RASSF7: variants seen among roughly 807,000 people sequenced by gnomAD.
The protein encoded by RASSF7 is Ras association domain family member 7.
RASSF7 carries 41 observed loss-of-function variants against 33.8 expected under a neutral mutation model. That is an observed-to-expected ratio of 1.21 (90% confidence interval 0.95 to 1.57). The LOEUF (loss-of-function observed/expected upper bound fraction) is 1.57, where lower values mean the gene tolerates loss of function less well. Among genes scored for constraint, RASSF7 ranks in the 40% most tolerant of loss-of-function variants. The pLI, the probability that RASSF7 is intolerant of heterozygous loss-of-function variation, is 0.00. For synonymous variants in RASSF7, 298 were observed against 212.8 expected, an observed-to-expected ratio of 1.40 and a Z score of -3.48; for missense variants, 622 against 497.0, an observed-to-expected ratio of 1.25 and a Z score of -2.39.
In RASSF7 at chr11:562,237, C is replaced by T. The variant is rs1372497561; in HGVS notation, c.283C>T (p.Pro95Ser). The change falls in exon 3 of 6, where the codon CCC (proline) becomes TCC (serine). Residue 95 changes from proline to serine, a missense_variant. Coordinates refer to ENST00000397583, the MANE Select transcript of RASSF7 (RefSeq NM_003475.4). ...CACAGGGCCCAGCCTAGCTGGGAGGCCCTCCTCAGACAGCTGTCCACCCCC... is the reference window on the plus strand; with the variant it reads ...CACAGGGCCCAGCCTAGCTGGGAGGTCCTCCTCAGACAGCTGTCCACCCCC... ...RRTGPSLAGRPSSDSCPPPER... is the reference protein window; with the variant it reads ...RRTGPSLAGRSSSDSCPPPER... The T allele has an allele frequency of 8.7e-6, 14 of 1,612,240 alleles. No individual in the cohort carries two copies. Among genetic ancestry groups the T allele is most frequent in the South Asian group, 2.2e-5 (2 of 90,970 alleles).
At chr11:561,917 G>T (rs1241854643) in intron 2 of RASSF7, 25 bp downstream of exon 2, 2 of 1,612,508 alleles carry the variant, frequency 1.2e-6, no homozygotes, top group Admixed American at 1.7e-5. Context: ...GGTCAGGCAG[G>T]CCGGGCAGGT....
In RASSF7 at chr11:562,467, T is replaced by C. The variant is rs978303517; in HGVS notation, c.513T>C (p.His171=). ...RVQRNAEELG[H]EAFWEQELRR... is the part of the protein sequence containing the mutation. ...AGAGGAATGCTGAGGAGCTGGGCCA[T>C]GAGGCCTTCTGGGAGCAAGAGCTGC... Residue 171 remains histidine, a synonymous_variant, in exon 3 of 6, where the codon CAT becomes CAC. Coordinates refer to ENST00000397583, the MANE Select transcript of RASSF7 (RefSeq NM_003475.4). 6.4e-7 allele frequency: 1 copy of C among 1,550,476 alleles called. No homozygotes were observed. Among genetic ancestry groups the C allele is most frequent in the South Asian group, 1.2e-5 (1 of 84,174 alleles).
Position 562,939 on chromosome 11 carries a change from C to G in RASSF7, c.822+163C>G, listed in dbSNP as rs1039882285. ...GATATGGGGGTCACAGGGTCTGACT[C>G]GGGAGGCAGGTGAGCCCGCGGACCT... On this transcript the variant is annotated intron_variant, in intron 3 of 5. Transcript: ENST00000397583. Among the ~76,000 whole-genome samples the G allele has an allele frequency of 9.4e-4, 139 of 147,600 alleles. 2 individuals carry two copies. The highest frequency in any genetic ancestry group is 1.9e-4 in the Non-Finnish European group (13 of 66,990).
chr11:561,340 C>A lies in RASSF7; in HGVS notation c.-145C>A. 9.9e-7 allele frequency: 1 copy of A among 1,010,892 alleles called. No homozygotes were observed. The highest frequency in any genetic ancestry group is 4.2e-5 in the South Asian group (1 of 23,888). 62.6% of individuals were successfully genotyped at this position (1,010,892 alleles called of 1,614,324 possible). Reference sequence around the variant, plus strand: ...CCGGAGTCTGCTCCATCTGCAGGGTCGAGGTCTGGGTTGCGACCCCGAGCG... The same window carrying A: ...CCGGAGTCTGCTCCATCTGCAGGGTAGAGGTCTGGGTTGCGACCCCGAGCG... On this transcript the variant is annotated 5_prime_UTR_variant, in exon 1 of 6. Coordinates refer to ENST00000397583, the MANE Select transcript of RASSF7 (RefSeq NM_003475.4).
chr11:561,588 C>T (rs1030059921), intron 1 of RASSF7, 111 bp downstream of exon 1: 16 of 1,386,392 alleles, frequency 1.2e-5, no homozygotes, highest in Non-Finnish European at 1.4e-5. Flanking sequence ...CTCCGGAGGG[C>T]CGCCACCCCA....
Position 563,265 on chromosome 11 carries a change from G to A in RASSF7, c.899G>A (p.Gly300Glu), listed in dbSNP as rs761825050. 14 of 1,611,522 alleles carry A rather than the reference G, an allele frequency of 8.7e-6. No individual in the cohort carries two copies. The highest frequency in any genetic ancestry group is 1.7e-6 in the Non-Finnish European group (2 of 1,179,258). ...CTGCAGCAGTTCATCCAGCAGACCG[G>A]GGCTGCGCTGCCACCGCCCCCACGG... is the stretch of plus-strand genomic sequence containing the variant. ...CNLQQFIQQT[G>E]AALPPPPRPD... The change falls in exon 4 of 6, where the codon GGG becomes GAG. Residue 300 changes from glycine to glutamate, a missense_variant. Physicochemically the swap from Gly to Glu is moderately conservative, Grantham distance 98 (BLOSUM62 -2). Transcript: ENST00000397583.
rs916931180 is a variant in RASSF7, at chr11:563,842, G to A, written c.*197G>A. On this transcript the variant is annotated 3_prime_UTR_variant, in exon 6 of 6. Transcript: ENST00000397583. ...ATGGGGCGTAGCCAGCTCGGAACTT[G>A]CCAGGCCCCAAAGGCCACGACTGCC... 1.7e-6 allele frequency: 1 copy of A among 604,448 alleles called. No individual in the cohort carries two copies. The highest frequency in any genetic ancestry group is 2.0e-5 in the South Asian group (1 of 49,546). The allele number at this position is 604,448 out of a possible 1,614,324, so 37.4% of individuals were successfully genotyped here.
Position 562,769 on chromosome 11 carries a change from C to T in RASSF7, c.815C>T (p.Ala272Val). Reference sequence around the variant, plus strand: ...CGGGCCCTGGAGGCAGCAGAGCGAGCCTTGCAGGTGAGCCCGGGGACCTGA... The same window carrying T: ...CGGGCCCTGGAGGCAGCAGAGCGAGTCTTGCAGGTGAGCCCGGGGACCTGA... ...VSRALEAAER[A>V]LQAQAQELEE... Residue 272 changes from alanine to valine, a missense_variant, in exon 3 of 6, where the codon GCC (alanine) becomes GTC (valine). Ala to Val is a moderately conservative substitution (Grantham distance 64, BLOSUM62 0). Transcript: ENST00000397583. 2.0e-6 allele frequency: 3 copies of T among 1,501,056 alleles called. No homozygotes were observed. The highest frequency in any genetic ancestry group is 2.5e-5 in the South Asian group (2 of 79,214). The allele number at this position is 1,501,056 out of a possible 1,614,324, so 93.0% of individuals were successfully genotyped here. A position where few individuals can be genotyped will look rare whatever the true frequency, so the allele number is the denominator to read the frequency against.
Position 562,330 on chromosome 11 carries a change from A to C in RASSF7, c.376A>C (p.Lys126Gln). The part of the protein sequence containing the change: ...PRAALGCEPR[K>Q]TLTPEPAPSL... ...GGCTGCGCTGGGCTGTGAGCCCCGCAAAACACTGACCCCCGAGCCAGCCCC... is the reference window on the plus strand; with the variant it reads ...GGCTGCGCTGGGCTGTGAGCCCCGCCAAACACTGACCCCCGAGCCAGCCCC... The change falls in exon 3 of 6, where the codon AAA becomes CAA. Residue 126 changes from lysine (K) to glutamine (Q), a missense_variant. Transcript: ENST00000397583. The C allele has an allele frequency of 6.2e-7, 1 of 1,609,678 alleles. No homozygotes were observed. The highest frequency in any genetic ancestry group is 1.7e-5 in the Admixed American group (1 of 59,700).
chr11:563,135 C>T (rs1853420744), intron 3 of RASSF7, 54 bp from the exon 4 acceptor site: 3 of 1,492,668 alleles, frequency 2.0e-6, no homozygotes, highest in East Asian at 2.3e-5. Context: ...CTCCGGAGCA[C>T]AAGGGCTGTG....
rs370836177 is a variant in RASSF7, at chr11:561,810, G to A, written c.42G>A (p.Val14=). 1.9e-6 allele frequency: 3 copies of A among 1,613,270 alleles called. No homozygotes were observed. The African/African-American group carries it at 4.0e-5, about 22-fold the overall frequency. ...GLAAMELKVW[V]DGIQRVVCGV... is the part of the protein sequence containing the mutation. ...CGGCCATGGAGCTGAAGGTGTGGGT[G>A]GATGGCATCCAGCGTGTGGTCTGTG... The change falls in exon 2 of 6, where the codon GTG becomes GTA. Residue 14 remains valine (V), a synonymous_variant. Coordinates refer to ENST00000397583, the MANE Select transcript of RASSF7 (RefSeq NM_003475.4).
In RASSF7 at chr11:563,801, A is replaced by G. The variant is rs1360126899; in HGVS notation, c.*156A>G. 2 of 695,484 alleles carry G rather than the reference A, an allele frequency of 2.9e-6. No homozygotes were observed. The highest frequency in any genetic ancestry group is 4.7e-6 in the Non-Finnish European group (2 of 424,000). The allele number at this position is 695,484 out of a possible 1,614,324, so 43.1% of individuals were successfully genotyped here. ...CTGCCCTAGTCCTTGCCAGGTCGCC[A>G]GCACCCTGGAGAAGCATGGGGCGTA... On this transcript the variant is annotated 3_prime_UTR_variant, in exon 6 of 6. Coordinates refer to ENST00000397583, the MANE Select transcript of RASSF7 (RefSeq NM_003475.4).
In RASSF7 at chr11:563,560, G is replaced by T; in HGVS notation, c.1037G>T (p.Gly346Val). 1 of 1,612,000 alleles carries T rather than the reference G, an allele frequency of 6.2e-7. No individual in the cohort carries two copies. ...HAGAQPRPRG[G>V]PHDAELLEVA... The stretch of plus-strand genomic sequence containing the variant: ...CCTCAGCCTGTGTCCTCCCGCAGTG[G>T]CCCCCATGACGCAGAACTCCTGGAG... The change falls in exon 6 of 6, where the codon GGC (glycine) becomes GTC (valine). Residue 346 changes from glycine to valine, a missense_variant and splice_region_variant. By Grantham distance (109) the Gly-to-Val change is moderately radical (BLOSUM62 -3). Coordinates refer to ENST00000397583, the MANE Select transcript of RASSF7 (RefSeq NM_003475.4).
Position 563,827 on chromosome 11 carries a change from G to A in RASSF7, c.*182G>A, listed in dbSNP as rs2134124838. The A allele has an allele frequency of 1.6e-6, 1 of 627,076 alleles. No individual in the cohort carries two copies. The highest frequency in any genetic ancestry group is 2.8e-6 in the Non-Finnish European group (1 of 362,756). The allele number at this position is 627,076 out of a possible 1,614,324, so 38.8% of individuals were successfully genotyped here. A position where few individuals can be genotyped will look rare whatever the true frequency, so the allele number is the denominator to read the frequency against. On this transcript the variant is annotated 3_prime_UTR_variant, in exon 6 of 6. Coordinates refer to ENST00000397583, the MANE Select transcript of RASSF7 (RefSeq NM_003475.4). ...GCACCCTGGAGAAGCATGGGGCGTA[G>A]CCAGCTCGGAACTTGCCAGGCCCCA...
chr11:563,157 C>T (rs1416995184), intron 3 of RASSF7, 32 bp from the exon 4 acceptor site: 3 of 1,534,076 alleles, frequency 2.0e-6, no homozygotes, highest in African/African-American at 2.7e-5. Context: ...AGCCCAGTGG[C>T]TGTGCCTCCT....
intron 2 of RASSF7, 32 bp from the exon 3 acceptor site, chr11:562,047 G>C (rs545990650): frequency 9.3e-6 from 14 of 1,499,448 alleles, no homozygotes; most frequent in African/African-American, 1.4e-5. Flanking sequence ...GAGTCGGGGG[G>C]ACATAGGCTG....
At chr11:563,063 C>T (rs998461079) in intron 3 of RASSF7, 126 bp from the exon 4 acceptor site, 33 of 971,468 alleles carry the variant, frequency 3.4e-5, no homozygotes, top group Non-Finnish European at 4.8e-5. Flanking sequence ...TCCCCTGTCA[C>T]TCCCCAACCC....
Position 563,498 on chromosome 11 carries a change from C to T in RASSF7, c.1034+20C>T. The T allele has an allele frequency of 6.2e-7, 1 of 1,609,282 alleles. No individual in the cohort carries two copies. The highest frequency in any genetic ancestry group is 8.5e-7 in the Non-Finnish European group (1 of 1,178,768). On this transcript the variant is annotated intron_variant, in intron 5 of 5. Coordinates refer to ENST00000397583, the MANE Select transcript of RASSF7 (RefSeq NM_003475.4). ...CCGAGGGTATGTCTGTGCCCCACCT[C>T]CCCCTGGGGCACCGGGCCCTCCTGT...
rs765716500 is a variant in RASSF7, at chr11:563,331, TG to T, written c.951+20del. 1.9e-6 allele frequency: 3 copies of T among 1,607,260 alleles called. No homozygotes were observed. The highest frequency in any genetic ancestry group is 1.7e-5 in the Admixed American group (1 of 59,278). ...CCTGGCACTCAGGTCGGAGTGGTTC[TG>T]GGGGGAGGCTGGGAGGTGAGGACCT... On this transcript the variant is annotated intron_variant, in intron 4 of 5. Transcript: ENST00000397583.
Sources: allele counts gnomAD v4.1 joint callset (sites outside exome capture counted in the v4.1 genomes callset), GRCh38; gene constraint gnomAD v4.1.1; transcripts MANE v1.5; gene names NCBI Gene and HGNC (gene_info 2026-07-23, HGNC 2026-07-21).